ZNF385D: variants seen among roughly 807,000 people sequenced by gnomAD.
ZNF385D encodes the protein zinc finger protein 659.
In ZNF385D, 15 loss-of-function variants were observed where a neutral mutation model predicts 35.8. The ratio of observed to expected loss-of-function variants is 0.42; its 90% confidence interval spans 0.28 to 0.64. ZNF385D has a LOEUF of 0.64. Among genes scored for constraint, ZNF385D ranks in the 30% least tolerant of loss-of-function variants. The probability of loss-of-function intolerance (pLI) is 0.23; values close to 1 mark genes in which losing one functional copy is unlikely to be tolerated. For synonymous variants in ZNF385D, 212 were observed against 186.8 expected (o/e 1.13, Z -1.10); for missense variants, 474 against 494.6 (o/e 0.96, Z 0.39).
At chr3:22,336,837 T>C (rs1361214269) in intron 2 of ZNF385D, among the ~76,000 whole-genome samples, 2 of 144,246 alleles carry the variant, frequency 1.4e-5, no homozygotes, top group Non-Finnish European at 3.0e-5. Flanking sequence ...CCACCTGTGC[T>C]TTAAATGTTT....
At position 22,240,201 on chromosome 3, in the gene ZNF385D, A is replaced by AAAAAAAAAAAG. The variant is rs374166678; in HGVS notation, c.107-71167_107-71166insCTTTTTTTTTT. Among the ~76,000 whole-genome samples the AAAAAAAAAAAG allele has an allele frequency of 1.7e-5, 2 of 121,002 alleles. 1 individual carries two copies. The allele number at this position is 121,002 out of a possible 152,430, so 79.4% of individuals were successfully genotyped here. On this transcript the variant is annotated intron_variant, in intron 2 of 5. Transcript: ENST00000494108. ...CTGTCTCCAAAAAAAAAAAAAAAAA[A>AAAAAAAAAAAG]AAGATTTCAGACACCTGGCTCCACC...
At chr3:22,046,674 C>A (rs1699024096) in intron 3 of ZNF385D, among the ~76,000 whole-genome samples, 1 of 152,062 alleles carries the variant, frequency 6.6e-6, no homozygotes, top group Non-Finnish European at 1.5e-5. Context: ...AAATTTAACA[C>A]CTGTTCATTA....
chr3:22,329,479 G>A (rs1281757694), intron 2 of ZNF385D, among the ~76,000 whole-genome samples: 1 of 151,982 alleles, frequency 6.6e-6, no homozygotes, highest in African/African-American at 2.4e-5. Flanking sequence ...TTACTATAAA[G>A]TTCCTAAGTA....
At chr3:21,986,598 A>C (rs1406341176) in intron 3 of ZNF385D, among the ~76,000 whole-genome samples, 1 of 148,988 alleles carries the variant, frequency 6.7e-6, no homozygotes, top group Non-Finnish European at 1.5e-5. Context: ...CCATGTGGTC[A>C]ATTTTGGAAT....
At chr3:22,026,292 G>A (rs918050834) in intron 3 of ZNF385D, among the ~76,000 whole-genome samples, 1 of 152,132 alleles carries the variant, frequency 6.6e-6, no homozygotes, top group African/African-American at 2.4e-5. Context: ...GAATGAAGGG[G>A]AGGCCAGAAC....
At chr3:21,684,358 C>A (rs2067011961) in intron 1 of ZNF385D, among the ~76,000 whole-genome samples, 1 of 104,030 alleles carries the variant, frequency 9.6e-6, no homozygotes, top group Non-Finnish European at 1.9e-5. Context: ...AAATGGTTAA[C>A]TGTTCTCCTC....
intron 2 of ZNF385D, among the ~76,000 whole-genome samples, chr3:22,177,492 A>T (rs1199689370): frequency 4.6e-5 from 7 of 152,212 alleles, no homozygotes; most frequent in Admixed American, 4.6e-4. Context: ...TCGTTTAGCC[A>T]CTTAGGATAT....
At chr3:22,215,872 C>A (rs756425042) in intron 2 of ZNF385D, among the ~76,000 whole-genome samples, 10 of 152,022 alleles carry the variant, frequency 6.6e-5, no homozygotes, top group Non-Finnish European at 1.3e-4. Context: ...TTTACAATTT[C>A]TCTCTTTTGT....
chr3:21,491,655 G>T (rs937652049), intron 4 of ZNF385D, among the ~76,000 whole-genome samples: 3 of 152,122 alleles, frequency 2.0e-5, no homozygotes, highest in African/African-American at 7.2e-5. Context: ...TTTTGGTAAA[G>T]AAACTTTGAT....
intron 3 of ZNF385D, among the ~76,000 whole-genome samples, chr3:22,116,833 G>A (rs1344703155): frequency 6.6e-6 from 1 of 151,986 alleles, no homozygotes; most frequent in Non-Finnish European, 1.5e-5. Flanking sequence ...GGCTATTTCT[G>A]ATAAGCTCTT....
intron 3 of ZNF385D, among the ~76,000 whole-genome samples, chr3:22,135,333 T>C (rs750294539): frequency 2.0e-5 from 3 of 151,726 alleles, no homozygotes; most frequent in Non-Finnish European, 4.4e-5. Flanking sequence ...CATACACACA[T>C]ACCCCAACAT....
intron 3 of ZNF385D, among the ~76,000 whole-genome samples, chr3:22,152,909 C>T (rs191424657): frequency 7.2e-5 from 11 of 152,228 alleles, no homozygotes; most frequent in South Asian, 6.2e-4. Context: ...CAACCAGGGA[C>T]GTGGTGAAAT....
At chr3:21,994,143 A>G (rs144086514) in intron 3 of ZNF385D, among the ~76,000 whole-genome samples, 1 of 152,194 alleles carries the variant, frequency 6.6e-6, no homozygotes, top group East Asian at 1.9e-4. Context: ...GCAGCAAGCT[A>G]AACAAACCAA....
intron 2 of ZNF385D, among the ~76,000 whole-genome samples, chr3:21,640,587 C>A (rs1032314): frequency 0.69 from 104,977 of 151,848 alleles, 37,019 homozygotes; most frequent in Admixed American, 0.76. Context: ...ATCCTCTCTC[C>A]TGTGAGAATA....
intron 1 of ZNF385D, among the ~76,000 whole-genome samples, chr3:21,678,238 C>T (rs1250776403): frequency 6.6e-6 from 1 of 152,064 alleles, no homozygotes; most frequent in Non-Finnish European, 1.5e-5. Context: ...CTAAGAAAGG[C>T]ATCTGATTTG....
intron 2 of ZNF385D, among the ~76,000 whole-genome samples, chr3:22,264,646 G>A (rs1700804781): frequency 1.3e-5 from 2 of 151,842 alleles, no homozygotes; most frequent in South Asian, 4.2e-4. Flanking sequence ...ACTTAATATG[G>A]GTCTCCCTAC....
At chr3:21,860,738 C>A (rs1420908526) in intron 3 of ZNF385D, among the ~76,000 whole-genome samples, 1 of 152,158 alleles carries the variant, frequency 6.6e-6, no homozygotes, top group Non-Finnish European at 1.5e-5. Context: ...ATTTCAGCCA[C>A]TGATACCTGA....
intron 3 of ZNF385D, among the ~76,000 whole-genome samples, chr3:21,989,812 A>G (rs1032699112): frequency 6.6e-6 from 1 of 152,194 alleles, no homozygotes; most frequent in Non-Finnish European, 1.5e-5. Flanking sequence ...ATAACTTACT[A>G]TCTTTTTTGG....
intron 4 of ZNF385D, among the ~76,000 whole-genome samples, chr3:21,446,184 C>CT (rs752128801): frequency 6.6e-6 from 1 of 152,196 alleles, no homozygotes; most frequent in Non-Finnish European, 1.5e-5. Context: ...GAGAACCACA[C>CT]TTCAAGAACC....
Sources: gnomAD v4.1 joint callset for allele counts (sites outside exome capture counted in the v4.1 genomes callset) on GRCh38, gnomAD v4.1.1 for gene constraint, MANE v1.5 for transcripts, NCBI Gene and HGNC (gene_info 2026-07-23, HGNC 2026-07-21) for gene names.